CDKAL1: variants seen among roughly 807,000 people sequenced by gnomAD.
CDKAL1 encodes the protein threonylcarbamoyladenosine tRNA methylthiotransferase.
Under a neutral mutation model 68.2 loss-of-function variants are expected in CDKAL1, and 32 were observed. The observed-to-expected ratio is 0.47, with a 90% CI of 0.35 to 0.63. The LOEUF is 0.63. CDKAL1 is among the 30% of genes least tolerant of loss of function. CDKAL1 has a pLI of 0.00. For missense variants in CDKAL1, 606 were observed against 696.7 expected (o/e 0.87, Z 1.47); for synonymous variants, 234 against 244.3 (o/e 0.96, Z 0.39).
chr6:20,999,692 G>GA (rs1767325186), intron 10 of CDKAL1, among the ~76,000 whole-genome samples: 1 of 108,408 alleles, frequency 9.2e-6, no homozygotes, highest in African/African-American at 3.9e-5. Flanking sequence ...AAAAAAGAAA[G>GA]AAACAGGTGA....
chr6:21,182,537 T>C (rs1339937212), intron 13 of CDKAL1, among the ~76,000 whole-genome samples: 1 of 152,238 alleles, frequency 6.6e-6, no homozygotes, highest in Non-Finnish European at 1.5e-5. Flanking sequence ...TAGTGCTATA[T>C]GTGTGTATGG....
chr6:20,623,963 A>G (rs550808210), intron 4 of CDKAL1, among the ~76,000 whole-genome samples: 2 of 152,252 alleles, frequency 1.3e-5, no homozygotes, highest in Admixed American at 1.3e-4. Flanking sequence ...ATCCTGGCAC[A>G]GAGAATATGC....
intron 11 of CDKAL1, among the ~76,000 whole-genome samples, chr6:21,020,462 T>TTATG (rs1768584911): frequency 6.6e-6 from 1 of 152,072 alleles, no homozygotes; most frequent in Admixed American, 6.6e-5. Flanking sequence ...CTTTTTTATT[T>TTATG]TATTTATTTA....
chr6:20,950,498 TAAAAG>T lies in CDKAL1; in HGVS notation c.743-4917_743-4913del, dbSNP rs971802275. Among the ~76,000 whole-genome samples the T allele has an allele frequency of 5.5e-3, 834 of 152,260 alleles. 4 individuals are homozygous for T. Among genetic ancestry groups the T allele is most frequent in the African/African-American group, 0.019 (781 of 41,532 alleles). On this transcript the variant is annotated intron_variant, in intron 9 of 15. Transcript: ENST00000274695. ...AAAATTTAATATGCACTGTGACCCT[TAAAAG>T]AAACAGCAGGAAGTAAAAGCTGATT...
At chr6:20,627,532 A>G (rs1767485220) in intron 4 of CDKAL1, among the ~76,000 whole-genome samples, 1 of 152,164 alleles carries the variant, frequency 6.6e-6, no homozygotes, top group South Asian at 2.1e-4. Flanking sequence ...AGTTCCTTCC[A>G]CATTATTCTT....
intron 10 of CDKAL1, among the ~76,000 whole-genome samples, chr6:20,994,411 G>A (rs1766997269): frequency 6.6e-6 from 1 of 152,184 alleles, no homozygotes; most frequent in African/African-American, 2.4e-5. Context: ...CCCAGGAGGT[G>A]GAGGCTGCAG....
intron 11 of CDKAL1, among the ~76,000 whole-genome samples, chr6:21,017,268 A>T (rs1024631203): frequency 9.4e-5 from 14 of 149,500 alleles, no homozygotes; most frequent in African/African-American, 3.1e-4. Flanking sequence ...TTGTTGAATG[A>T]AGGGTTTCTT....
At chr6:21,130,546 C>A (rs111951041) in intron 13 of CDKAL1, among the ~76,000 whole-genome samples, 83 of 152,240 alleles carry the variant, frequency 5.5e-4, no homozygotes, top group African/African-American at 1.8e-3. Flanking sequence ...TTTTTATAAA[C>A]CCCTGATTTG....
intron 12 of CDKAL1, among the ~76,000 whole-genome samples, chr6:21,107,909 A>T (rs1422547996): frequency 6.6e-6 from 1 of 152,210 alleles, no homozygotes; most frequent in Admixed American, 6.5e-5. Context: ...TAGCAGTGAC[A>T]CAGTAAAGGT....
chr6:20,748,767 T>G (rs1019338423), intron 6 of CDKAL1, among the ~76,000 whole-genome samples: 1 of 136,302 alleles, frequency 7.3e-6, no homozygotes, highest in Non-Finnish European at 1.6e-5. Context: ...AGTCTCTTTA[T>G]GGTGTTGGGA....
intron 4 of CDKAL1, among the ~76,000 whole-genome samples, chr6:20,643,209 A>G (rs933627689): frequency 2.0e-5 from 3 of 152,046 alleles, no homozygotes; most frequent in African/African-American, 7.2e-5. Context: ...ACTCTTGTCC[A>G]TCTGCCTGGC....
At chr6:20,971,599 ATAACAATTTTATTAC>A in intron 10 of CDKAL1, among the ~76,000 whole-genome samples, 1 of 152,254 alleles carries the variant, frequency 6.6e-6, no homozygotes, top group Non-Finnish European at 1.5e-5. Context: ...ATTTTAGAAT[ATAACAATTTTATTAC>A]TAACATATTT....
At chr6:20,878,492 C>T (rs1323644059) in intron 9 of CDKAL1, among the ~76,000 whole-genome samples, 1 of 152,216 alleles carries the variant, frequency 6.6e-6, no homozygotes, top group Non-Finnish European at 1.5e-5. Context: ...GTAATCCCAG[C>T]ACTTTGAGGG....
At chr6:20,741,933 T>C (rs1448816531) in intron 6 of CDKAL1, among the ~76,000 whole-genome samples, 1 of 152,182 alleles carries the variant, frequency 6.6e-6, no homozygotes, top group East Asian at 1.9e-4. Flanking sequence ...ACCAATAGCA[T>C]GTAAGTGTTC....
At chr6:20,541,289 G>A (rs1481708219) in intron 2 of CDKAL1, among the ~76,000 whole-genome samples, 1 of 152,162 alleles carries the variant, frequency 6.6e-6, no homozygotes, top group East Asian at 1.9e-4. Flanking sequence ...CCACAGGCTC[G>A]CATGACTGGG....
At chr6:21,113,215 A>T (rs1431030541) in intron 13 of CDKAL1, among the ~76,000 whole-genome samples, 2 of 152,216 alleles carry the variant, frequency 1.3e-5, no homozygotes, top group African/African-American at 4.8e-5. Flanking sequence ...TCGGAAACAG[A>T]TATTTTGTTT....
intron 5 of CDKAL1, among the ~76,000 whole-genome samples, chr6:20,709,956 A>G (rs766184387): frequency 3.3e-5 from 5 of 152,198 alleles, no homozygotes; most frequent in Non-Finnish European, 7.4e-5. Context: ...ATGGAGTTAT[A>G]GCGATTAGCT....
At chr6:21,173,474 G>A (rs758913306) in intron 13 of CDKAL1, among the ~76,000 whole-genome samples, 3 of 152,150 alleles carry the variant, frequency 2.0e-5, no homozygotes, top group Admixed American at 6.5e-5. Flanking sequence ...AGGTTCATTT[G>A]TTCAAGAAGT....
chr6:21,064,407 G>A (rs1771309029), intron 11 of CDKAL1, among the ~76,000 whole-genome samples: 1 of 152,178 alleles, frequency 6.6e-6, no homozygotes, highest in Non-Finnish European at 1.5e-5. Context: ...TCCAGAAAAA[G>A]AAAAGGGGAC....
Sources: allele counts gnomAD v4.1 joint callset (sites outside exome capture counted in the v4.1 genomes callset), GRCh38; gene constraint gnomAD v4.1.1; transcripts MANE v1.5; gene names NCBI Gene and HGNC (gene_info 2026-07-23, HGNC 2026-07-21).